GPC5: variants seen among roughly 807,000 people sequenced by gnomAD.
GPC5 encodes the protein glypican-5.
GPC5 carries 47 observed loss-of-function variants against 53.9 expected under a neutral mutation model. The observed-to-expected ratio is 0.87, with a 90% CI of 0.69 to 1.11. GPC5 has a LOEUF of 1.11. Among genes scored for constraint, GPC5 ranks in the 50% most tolerant of loss-of-function variants. The pLI is 0.00. For missense variants in GPC5, 748 were observed against 713.1 expected (o/e 1.05, Z -0.56); for synonymous variants, 286 against 263.3 (o/e 1.09, Z -0.84).
At chr13:92,350,526 G>A (rs1283211002) in intron 7 of GPC5, among the ~76,000 whole-genome samples, 2 of 152,142 alleles carry the variant, frequency 1.3e-5, no homozygotes, top group East Asian at 1.9e-4. Context: ...TAGTTACAGA[G>A]ATTGGAGGCT....
chr13:92,470,366 T>A (rs996506982), intron 7 of GPC5, among the ~76,000 whole-genome samples: 15 of 152,314 alleles, frequency 9.8e-5, no homozygotes, highest in South Asian at 8.3e-4. Flanking sequence ...TTTCTTTTTT[T>A]AAATTTTTTT....
intron 3 of GPC5, among the ~76,000 whole-genome samples, chr13:91,707,970 G>A (rs952284324): frequency 6.6e-6 from 1 of 152,034 alleles, no homozygotes; most frequent in Non-Finnish European, 1.5e-5. Flanking sequence ...ATATTTTTTG[G>A]TAATAAAAAG....
At chr13:91,687,937 T>C (rs954519508) in intron 2 of GPC5, among the ~76,000 whole-genome samples, 9 of 152,228 alleles carry the variant, frequency 5.9e-5, no homozygotes, top group African/African-American at 2.2e-4. Context: ...GTAGATGTGA[T>C]TAATTGTTCA....
chr13:91,669,976 C>T (rs567149330), intron 2 of GPC5, among the ~76,000 whole-genome samples: 39 of 152,240 alleles, frequency 2.6e-4, no homozygotes, highest in African/African-American at 8.2e-4. Context: ...CTCAAAACAT[C>T]GCACATGTCA....
At chr13:92,245,921 T>A (rs2139122142) in intron 7 of GPC5, among the ~76,000 whole-genome samples, 1 of 152,230 alleles carries the variant, frequency 6.6e-6, no homozygotes, top group South Asian at 2.1e-4. Context: ...GGGCATTCTC[T>A]TTTGAATATT....
At chr13:92,383,263 G>A (rs1218719466) in intron 7 of GPC5, among the ~76,000 whole-genome samples, 4 of 152,084 alleles carry the variant, frequency 2.6e-5, no homozygotes, top group African/African-American at 9.7e-5. Context: ...ACCATGGTGT[G>A]TAACAGAACT....
chr13:92,461,058 C>G (rs2139409856), intron 7 of GPC5, among the ~76,000 whole-genome samples: 1 of 151,796 alleles, frequency 6.6e-6, no homozygotes, highest in East Asian at 1.9e-4. Context: ...ATGGCTAAGT[C>G]AACATTTTTT....
intron 7 of GPC5, among the ~76,000 whole-genome samples, chr13:92,313,124 A>G (rs915458670): frequency 1.3e-5 from 2 of 152,208 alleles, no homozygotes; most frequent in African/African-American, 2.4e-5. Flanking sequence ...CTCTCTCTCC[A>G]TGAAATGATA....
chr13:92,173,491 G>A (rs114632233), intron 7 of GPC5, among the ~76,000 whole-genome samples: 5 of 152,112 alleles, frequency 3.3e-5, no homozygotes, highest in Non-Finnish European at 7.4e-5. Context: ...GGGGAGTCTG[G>A]CACCTGCCTG....
chr13:91,478,923 T>C (rs1210110606), intron 2 of GPC5, among the ~76,000 whole-genome samples: 1 of 113,186 alleles, frequency 8.8e-6, no homozygotes. Flanking sequence ...ATATTCTTTT[T>C]TTTTTCTTTA....
intron 1 of GPC5, among the ~76,000 whole-genome samples, chr13:91,434,027 T>C (rs1879708878): frequency 6.6e-6 from 1 of 152,228 alleles, no homozygotes; most frequent in Admixed American, 6.5e-5. Flanking sequence ...TCATATCCTT[T>C]GCCCACTTTT....
chr13:92,831,288 C>T (rs1443857125), intron 7 of GPC5, among the ~76,000 whole-genome samples: 3 of 152,098 alleles, frequency 2.0e-5, no homozygotes, highest in Admixed American at 1.3e-4. Flanking sequence ...TTTAATAAAA[C>T]ATGACTCTTT....
intron 7 of GPC5, among the ~76,000 whole-genome samples, chr13:92,829,218 A>G (rs1400899595): frequency 1.3e-5 from 2 of 152,180 alleles, no homozygotes; most frequent in Non-Finnish European, 2.9e-5. Flanking sequence ...ACATTGCCAC[A>G]ATACATTTTC....
chr13:92,663,850 CACACACTATATATATATATATA>C (rs1566351000), intron 7 of GPC5, among the ~76,000 whole-genome samples: 2 of 91,082 alleles, frequency 2.2e-5, no homozygotes, highest in Non-Finnish European at 5.0e-5. Context: ...TATATACACA[CACACACTATATATATATATATA>C]TATATATATA....
intron 7 of GPC5, chr13:92,446,672 G>A (rs1877840533): frequency 6.6e-6 from 1 of 152,132 alleles, no homozygotes; most frequent in South Asian, 2.1e-4. Context: ...GGTTCATACA[G>A]TAGTTCTATT....
At chr13:92,269,479 C>G (rs2042825393) in intron 7 of GPC5, among the ~76,000 whole-genome samples, 1 of 152,050 alleles carries the variant, frequency 6.6e-6, no homozygotes, top group African/African-American at 2.4e-5. Flanking sequence ...GATCTCGGCT[C>G]ACTGCAACCT....
At chr13:92,119,994 A>G (rs2041635633) in intron 6 of GPC5, among the ~76,000 whole-genome samples, 1 of 152,178 alleles carries the variant, frequency 6.6e-6, no homozygotes. Context: ...TGTTATATTC[A>G]CAGGTTGTAG....
At chr13:92,422,756 C>T (rs1876636053) in intron 7 of GPC5, among the ~76,000 whole-genome samples, 1 of 152,058 alleles carries the variant, frequency 6.6e-6, no homozygotes, top group Non-Finnish European at 1.5e-5. Context: ...AAAAAAGTTG[C>T]CATTTTTCTT....
At chr13:92,191,270 AT>A (rs2139047981) in intron 7 of GPC5, among the ~76,000 whole-genome samples, 1 of 152,292 alleles carries the variant, frequency 6.6e-6, no homozygotes, top group African/African-American at 2.4e-5. Flanking sequence ...ATATAAGAAT[AT>A]AAAAACATGT....
Sources: allele counts gnomAD v4.1 joint callset (sites outside exome capture counted in the v4.1 genomes callset), GRCh38; gene constraint gnomAD v4.1.1; transcripts MANE v1.5; gene names NCBI Gene and HGNC (gene_info 2026-07-23, HGNC 2026-07-21).